Variants in LHFPL6 observed in about 807,000 individuals in gnomAD.
The protein encoded by LHFPL6 is LHFPL tetraspan subfamily member 6, also known as LHFPL tetraspan subfamily member 6 protein.
Under a neutral mutation model 20.6 loss-of-function variants are expected in LHFPL6, and 9 were observed. The ratio of observed to expected loss-of-function variants is 0.44; its 90% confidence interval spans 0.26 to 0.76. The LOEUF is 0.76. LHFPL6 is among the 30% of genes least tolerant of loss of function. The pLI, the probability that LHFPL6 is intolerant of heterozygous loss-of-function variation, is 0.20. For synonymous variants in LHFPL6, 105 were observed against 98.7 expected, an observed-to-expected ratio of 1.06 and a Z score of -0.38; for missense variants, 218 against 253.5, an observed-to-expected ratio of 0.86 and a Z score of 0.95.
intron 2 of LHFPL6, among the ~76,000 whole-genome samples, chr13:39,398,414 G>A (rs921068436): frequency 4.6e-5 from 7 of 152,170 alleles, no homozygotes; most frequent in Non-Finnish European, 8.8e-5. Context: ...TTACCAAATA[G>A]TAAGAAAGAT....
chr13:39,392,323 G>T (rs1481611790), intron 2 of LHFPL6, among the ~76,000 whole-genome samples: 1 of 152,130 alleles, frequency 6.6e-6, no homozygotes. Flanking sequence ...GGCCGGGCGC[G>T]GTGGCTCATG....
chr13:39,365,614 A>G (rs934123877), intron 3 of LHFPL6, among the ~76,000 whole-genome samples: 2 of 152,206 alleles, frequency 1.3e-5, no homozygotes, highest in African/African-American at 4.8e-5. Context: ...AAGTCTCGGA[A>G]CAAATCCTCC....
At chr13:39,411,093 C>T (rs7336131) in intron 2 of LHFPL6, among the ~76,000 whole-genome samples, 41,695 of 152,004 alleles carry the variant, frequency 0.27, 6,043 homozygotes, top group East Asian at 0.39. Context: ...CATGTCTGCA[C>T]GGGTAGTATG....
chr13:39,510,102 T>C (rs1297484899), intron 2 of LHFPL6, among the ~76,000 whole-genome samples: 2 of 152,264 alleles, frequency 1.3e-5, no homozygotes, highest in South Asian at 2.1e-4. Context: ...CATCTGCTGA[T>C]GGTTACTGAC....
At chr13:39,509,866 G>T (rs1329918139) in intron 2 of LHFPL6, among the ~76,000 whole-genome samples, 1 of 152,178 alleles carries the variant, frequency 6.6e-6, no homozygotes, top group Non-Finnish European at 1.5e-5. Flanking sequence ...AGGCTGAGAG[G>T]AAGGGTGAGG....
In LHFPL6 at chr13:39,596,501, G is replaced by C. The variant is rs146520612; in HGVS notation, c.385+4331C>G. Among the ~76,000 whole-genome samples, 28 of 152,236 alleles carry C rather than the reference G, an allele frequency of 1.8e-4. 1 individual carries two copies. The highest frequency in any genetic ancestry group is 6.5e-4 in the African/African-American group (27 of 41,534). On this transcript the variant is annotated intron_variant, in intron 2 of 3. Transcript: ENST00000379589. ...TACTGACAGAAATTCTGCAATCCGT[G>C]TTTTAAAAGGTCCCACAGGTGATTC...
At chr13:39,512,322 G>A (rs562619017) in intron 2 of LHFPL6, among the ~76,000 whole-genome samples, 1 of 152,242 alleles carries the variant, frequency 6.6e-6, no homozygotes, top group Admixed American at 6.5e-5. Flanking sequence ...ATCAGACCAG[G>A]CTGGGTGCGG....
chr13:39,565,332 G>GTTT (rs57455663), intron 2 of LHFPL6, among the ~76,000 whole-genome samples: 9 of 151,858 alleles, frequency 5.9e-5, no homozygotes, highest in African/African-American at 2.2e-4. Flanking sequence ...AAAAAGAAAG[G>GTTT]TTTTTTAAAT....
intron 2 of LHFPL6, among the ~76,000 whole-genome samples, chr13:39,590,124 C>G (rs1872554740): frequency 6.6e-6 from 1 of 152,030 alleles, no homozygotes; most frequent in Non-Finnish European, 1.5e-5. Flanking sequence ...AATGGGATAA[C>G]TTTGGTTTTC....
chr13:39,394,721 T>A (rs952473294), intron 2 of LHFPL6, among the ~76,000 whole-genome samples: 2 of 152,328 alleles, frequency 1.3e-5, no homozygotes, highest in African/African-American at 2.4e-5. Context: ...TGGCTTCACA[T>A]ATCTGGAGCC....
intron 2 of LHFPL6, among the ~76,000 whole-genome samples, chr13:39,589,398 C>T (rs532680828): frequency 7.2e-5 from 11 of 152,170 alleles, no homozygotes; most frequent in Admixed American, 5.2e-4. Flanking sequence ...TGTGAGTCAC[C>T]GCACCCAGCC....
chr13:39,551,874 C>T (rs1871152884), intron 2 of LHFPL6, among the ~76,000 whole-genome samples: 1 of 130,526 alleles, frequency 7.7e-6, no homozygotes, highest in South Asian at 2.6e-4. Flanking sequence ...GTGCTTAAAA[C>T]AGGGACAAAA....
At chr13:39,448,769 T>C (rs1191171755) in intron 2 of LHFPL6, among the ~76,000 whole-genome samples, 1 of 152,248 alleles carries the variant, frequency 6.6e-6, no homozygotes, top group Non-Finnish European at 1.5e-5. Context: ...TTTGGAAATA[T>C]TTAAAATGCC....
intron 3 of LHFPL6, among the ~76,000 whole-genome samples, chr13:39,365,812 A>C (rs1348411087): frequency 1.3e-5 from 2 of 152,222 alleles, no homozygotes; most frequent in Non-Finnish European, 2.9e-5. Flanking sequence ...GCAACAAAAA[A>C]CCAGAAATCT....
In LHFPL6 at chr13:39,378,485, A is replaced by T; in HGVS notation, c.427T>A (p.Trp143Arg). ...GTCTGCCGGACTTCCTCACTGTCCC[A>T]GCCCAAGGGGTAGAGGGCACAGCCA... The part of the protein sequence containing the change: ...GAGCALYPLG[W>R]DSEEVRQTCG... Residue 143 changes from tryptophan to arginine, a missense_variant, in exon 3 of 4, where the codon TGG becomes AGG. Physicochemically the swap from Trp to Arg is moderately radical, Grantham distance 101 (BLOSUM62 -3). Coordinates refer to ENST00000379589, the MANE Select transcript of LHFPL6 (RefSeq NM_005780.3). 1.9e-6 allele frequency: 3 copies of T among 1,614,040 alleles called. No homozygotes were observed. Among genetic ancestry groups the T allele is most frequent in the Non-Finnish European group, 2.5e-6 (3 of 1,179,960 alleles).
chr13:39,381,816 A>C (rs1019649847), intron 2 of LHFPL6, among the ~76,000 whole-genome samples: 5 of 116,788 alleles, frequency 4.3e-5, no homozygotes, highest in African/African-American at 1.5e-4. Flanking sequence ...GGTCAGAGCA[A>C]ATTTATAGAC....
At chr13:39,461,417 C>T (rs764127670) in intron 2 of LHFPL6, among the ~76,000 whole-genome samples, 1 of 152,196 alleles carries the variant, frequency 6.6e-6, no homozygotes, top group African/African-American at 2.4e-5. Flanking sequence ...CTCCAAACTG[C>T]TTTCCACAGT....
At chr13:39,470,117 C>T (rs1872906052) in intron 2 of LHFPL6, among the ~76,000 whole-genome samples, 1 of 152,090 alleles carries the variant, frequency 6.6e-6, no homozygotes, top group African/African-American at 2.4e-5. Flanking sequence ...ATATATAAGC[C>T]ACAGAAAGTC....
intron 2 of LHFPL6, among the ~76,000 whole-genome samples, chr13:39,549,515 T>C (rs937817848): frequency 1.3e-5 from 2 of 152,046 alleles, no homozygotes; most frequent in Non-Finnish European, 2.9e-5. Context: ...AGACAGACTA[T>C]ACAAAATGTT....
Sources: gnomAD v4.1 joint callset for allele counts (sites outside exome capture counted in the v4.1 genomes callset) on GRCh38, gnomAD v4.1.1 for gene constraint, MANE v1.5 for transcripts, NCBI Gene and HGNC (gene_info 2026-07-23, HGNC 2026-07-21) for gene names.